NOL4: variants seen among roughly 807,000 people sequenced by gnomAD.
NOL4 encodes the protein nucleolar protein 4, also known as cancer/testis antigen 125.
NOL4 carries 17 observed loss-of-function variants against 75.9 expected under a neutral mutation model. The observed-to-expected ratio is 0.22, with a 90% CI of 0.15 to 0.34. The LOEUF is 0.34. Ranked by LOEUF, NOL4 falls within the 10% of genes least tolerant of loss-of-function variation. The probability of loss-of-function intolerance (pLI) is 1.00; values close to 1 mark genes in which losing one functional copy is unlikely to be tolerated. For missense variants in NOL4, 614 were observed against 793.5 expected (o/e 0.77, Z 2.72); for synonymous variants, 292 against 289.9 (o/e 1.01, Z -0.07).
intron 5 of NOL4, 117 bp downstream of exon 5, chr18:34,093,348 G>T (rs1166877857): frequency 2.1e-5 from 22 of 1,041,508 alleles, no homozygotes; most frequent in Non-Finnish European, 2.7e-5. Context: ...AGTTCCCATA[G>T]AAATGGGTAG....
At chr18:33,963,545 T>TA (rs913101216) in intron 6 of NOL4, among the ~76,000 whole-genome samples, 3 of 152,030 alleles carry the variant, frequency 2.0e-5, no homozygotes, top group African/African-American at 7.2e-5. Context: ...AGTATAAACC[T>TA]AAAAAAATCC....
At chr18:34,085,808 C>T (rs1188061134) in intron 5 of NOL4, among the ~76,000 whole-genome samples, 1 of 152,058 alleles carries the variant, frequency 6.6e-6, no homozygotes, top group Non-Finnish European at 1.5e-5. Flanking sequence ...GTCAAATTGC[C>T]TTTTCTTCTG....
intron 6 of NOL4, among the ~76,000 whole-genome samples, chr18:33,989,643 G>A (rs755165349): frequency 5.3e-5 from 8 of 152,046 alleles, no homozygotes; most frequent in Non-Finnish European, 7.4e-5. Context: ...TATAGAGCAC[G>A]AAGCAGGTTT....
At chr18:33,891,552 A>G (rs2065095351) in intron 9 of NOL4, among the ~76,000 whole-genome samples, 2 of 152,168 alleles carry the variant, frequency 1.3e-5, no homozygotes, top group Admixed American at 6.6e-5. Flanking sequence ...TGTAGCAGAA[A>G]TAACTTGGGC....
chr18:33,928,750 C>T (rs1262875502), intron 9 of NOL4, among the ~76,000 whole-genome samples: 2 of 152,038 alleles, frequency 1.3e-5, no homozygotes, highest in Non-Finnish European at 2.9e-5. Context: ...GGAGGCACCA[C>T]TAAAAAGCAG....
intron 5 of NOL4, among the ~76,000 whole-genome samples, chr18:34,082,770 C>T (rs1224703657): frequency 6.6e-6 from 1 of 152,140 alleles, no homozygotes; most frequent in Non-Finnish European, 1.5e-5. Flanking sequence ...AAAGACAGGG[C>T]TAAGCAGTGA....
chr18:34,154,038 C>A (rs929331683), intron 1 of NOL4, among the ~76,000 whole-genome samples: 1 of 151,846 alleles, frequency 6.6e-6, no homozygotes, highest in Non-Finnish European at 1.5e-5. Context: ...AGACATGTGT[C>A]CAGCTAACAT....
chr18:34,173,952 A>G (rs1356693331), intron 1 of NOL4, among the ~76,000 whole-genome samples: 3 of 152,186 alleles, frequency 2.0e-5, no homozygotes, highest in African/African-American at 7.2e-5. Context: ...CTACTTTCTC[A>G]TTTAGGAGCC....
intron 5 of NOL4, among the ~76,000 whole-genome samples, chr18:34,081,952 A>G (rs2078029104): frequency 6.6e-6 from 1 of 152,208 alleles, no homozygotes; most frequent in Non-Finnish European, 1.5e-5. Flanking sequence ...ATACATTTCA[A>G]TGGCTACAAA....
At chr18:33,891,497 T>C (rs549218916) in intron 9 of NOL4, among the ~76,000 whole-genome samples, 1 of 152,290 alleles carries the variant, frequency 6.6e-6, no homozygotes, top group Admixed American at 6.5e-5. Context: ...CAAGGCAATT[T>C]TGGGGTCCTT....
At chr18:33,872,003 A>G (rs2063723961) in intron 10 of NOL4, among the ~76,000 whole-genome samples, 2 of 152,072 alleles carry the variant, frequency 1.3e-5, no homozygotes, top group Admixed American at 1.3e-4. Context: ...CAAATGATTA[A>G]CATAATTGTA....
At chr18:33,879,117 TA>T (rs1309916572) in intron 10 of NOL4, among the ~76,000 whole-genome samples, 6 of 152,110 alleles carry the variant, frequency 3.9e-5, no homozygotes, top group South Asian at 2.1e-4. Context: ...TTGAAGAATT[TA>T]AAAAAACAGT....
chr18:34,135,885 A>G (rs1025680978), intron 1 of NOL4, among the ~76,000 whole-genome samples: 1 of 152,002 alleles, frequency 6.6e-6, no homozygotes, highest in Non-Finnish European at 1.5e-5. Context: ...ATCACAGGAT[A>G]AAAAAGATAT....
At chr18:33,860,122 T>C (rs187002427) in intron 10 of NOL4, among the ~76,000 whole-genome samples, 1 of 151,998 alleles carries the variant, frequency 6.6e-6, no homozygotes, top group African/African-American at 2.4e-5. Context: ...TATAAAACTA[T>C]CAGATCTTGT....
At chr18:34,037,241 T>C in intron 5 of NOL4, among the ~76,000 whole-genome samples, 1 of 152,154 alleles carries the variant, frequency 6.6e-6, no homozygotes, top group East Asian at 1.9e-4. Context: ...CAAGGAAAAC[T>C]GCAAAACACT....
intron 6 of NOL4, among the ~76,000 whole-genome samples, chr18:33,992,647 C>G (rs565542530): frequency 6.6e-5 from 10 of 152,068 alleles, no homozygotes; most frequent in Admixed American, 6.6e-4. Flanking sequence ...GGCTATCTAC[C>G]CAGGAGGGGC....
At chr18:34,043,819 T>C (rs753274919) in intron 5 of NOL4, among the ~76,000 whole-genome samples, 3 of 152,058 alleles carry the variant, frequency 2.0e-5, no homozygotes, top group East Asian at 1.9e-4. Flanking sequence ...TTTTCCTCTT[T>C]AGGGTGCCAT....
Position 33,891,544 on chromosome 18 carries a change from T to C in NOL4, c.1543-8120A>G, listed in dbSNP as rs183553786. Among the ~76,000 whole-genome samples the C allele has an allele frequency of 4.7e-3, 713 of 152,292 alleles. 5 individuals are homozygous for C. Among genetic ancestry groups the C allele is most frequent in the African/African-American group, 0.015 (635 of 41,582 alleles). On this transcript the variant is annotated intron_variant, in intron 9 of 10. Transcript: ENST00000261592. The stretch of plus-strand genomic sequence containing the variant: ...GCCTCAAACAGTCCCAACATTCCTG[T>C]AGCAGAAATAACTTGGGCAACATAA...
At chr18:33,888,106 A>G (rs376211637) in intron 9 of NOL4, among the ~76,000 whole-genome samples, 2 of 152,020 alleles carry the variant, frequency 1.3e-5, no homozygotes, top group African/African-American at 2.4e-5. Context: ...TTTAATGATC[A>G]CCATTCTAAC....
Sources: gnomAD v4.1 joint callset for allele counts (sites outside exome capture counted in the v4.1 genomes callset) on GRCh38, gnomAD v4.1.1 for gene constraint, MANE v1.5 for transcripts, NCBI Gene and HGNC (gene_info 2026-07-23, HGNC 2026-07-21) for gene names.